Variants in CPM observed in about 807,000 individuals in gnomAD.
CPM encodes carboxypeptidase M, also known as renal carboxypeptidase.
A neutral mutation model predicts 46.4 loss-of-function variants in CPM; 35 were observed. The ratio of observed to expected loss-of-function variants is 0.75; its 90% confidence interval spans 0.58 to 1.00. The LOEUF (loss-of-function observed/expected upper bound fraction) is 1.00. Among genes scored for constraint, CPM ranks in the 50% least tolerant of loss-of-function variants. The pLI is 0.00. For synonymous variants in CPM, 195 were observed against 195.3 expected (o/e 1.00, Z 0.01); for missense variants, 422 against 530.4 (o/e 0.80, Z 2.01).
intron 1 of CPM, among the ~76,000 whole-genome samples, chr12:68,955,290 C>T (rs754751322): frequency 4.6e-5 from 7 of 152,168 alleles, no homozygotes; most frequent in South Asian, 4.1e-4. Flanking sequence ...TAAATCTTTA[C>T]GAAGCTCATT....
intron 2 of CPM, among the ~76,000 whole-genome samples, chr12:68,906,566 C>T (rs1010621314): frequency 1.2e-4 from 18 of 152,006 alleles, no homozygotes; most frequent in African/African-American, 2.9e-4. Flanking sequence ...CTTGGTTCAC[C>T]GCAGCCTCTG....
intron 2 of CPM, among the ~76,000 whole-genome samples, chr12:68,909,851 C>A (rs533536868): frequency 6.8e-6 from 1 of 146,654 alleles, no homozygotes; most frequent in African/African-American, 2.5e-5. Context: ...GGGGGGGCTA[C>A]GGGAGGGATA....
At chr12:68,901,296 G>A (rs1044228044) in intron 2 of CPM, among the ~76,000 whole-genome samples, 2 of 152,186 alleles carry the variant, frequency 1.3e-5, no homozygotes, top group African/African-American at 2.4e-5. Flanking sequence ...CCCATGCACC[G>A]GCTCCTGCGG....
intron 2 of CPM, among the ~76,000 whole-genome samples, chr12:68,895,420 C>T (rs1378579398): frequency 6.6e-6 from 1 of 152,156 alleles, no homozygotes; most frequent in Non-Finnish European, 1.5e-5. Context: ...GGAGCAGAGT[C>T]ACAACTGTTC....
chr12:68,926,701 A>G (rs1038895713), intron 2 of CPM, among the ~76,000 whole-genome samples: 3 of 152,040 alleles, frequency 2.0e-5, no homozygotes, highest in African/African-American at 7.2e-5. Context: ...TCCTAATGCT[A>G]TCCCTCCCCG....
At chr12:68,883,248 G>A (rs1253371149) in intron 3 of CPM, among the ~76,000 whole-genome samples, 1 of 152,164 alleles carries the variant, frequency 6.6e-6, no homozygotes, top group Non-Finnish European at 1.5e-5. Context: ...TGTTAGCTCT[G>A]TTGCTTCTTA....
At chr12:68,886,448 C>T (rs1242919504) in intron 2 of CPM, among the ~76,000 whole-genome samples, 3 of 151,976 alleles carry the variant, frequency 2.0e-5, no homozygotes, top group African/African-American at 7.2e-5. Context: ...CTGGCTAACA[C>T]AGTGAAATCC....
downstream of CPM, among the ~76,000 whole-genome samples, chr12:68,850,837 T>A (rs185481781): frequency 6.6e-6 from 1 of 152,258 alleles, no homozygotes; most frequent in African/African-American, 2.4e-5. Flanking sequence ...TTTCTCAGAT[T>A]CTTTATTACA....
chr12:68,953,946 T>C (rs902145441), intron 1 of CPM, among the ~76,000 whole-genome samples: 1 of 152,242 alleles, frequency 6.6e-6, no homozygotes, highest in Non-Finnish European at 1.5e-5. Context: ...TTTGTCAGCA[T>C]TACAACATAG....
chr12:68,946,704 C>T (rs1316895471), intron 1 of CPM, among the ~76,000 whole-genome samples: 1 of 152,148 alleles, frequency 6.6e-6, no homozygotes, highest in Non-Finnish European at 1.5e-5. Context: ...ACTAGTGTCT[C>T]TAATAGTGTC....
intron 2 of CPM, among the ~76,000 whole-genome samples, chr12:68,890,368 TAA>T (rs10564575): frequency 0.041 from 5,896 of 144,498 alleles, 405 homozygotes; most frequent in African/African-American, 0.14. Flanking sequence ...TTTTTTAATT[TAA>T]AAAAAAAAAA....
At chr12:68,845,227 A>G (rs1001205748) in intron 5 of CPM, 3 of 217,194 alleles carry the variant, frequency 1.4e-5, no homozygotes, top group Admixed American at 1.2e-4. Context: ...GTATTTCTTC[A>G]GCTTAAAAAA....
chr12:68,870,241 C>A lies in CPM; in HGVS notation c.590G>T (p.Ser197Ile). The A allele has an allele frequency of 5.6e-6, 9 of 1,613,940 alleles. No individual in the cohort carries two copies. The highest frequency in any genetic ancestry group is 6.8e-6 in the Non-Finnish European group (8 of 1,179,942). The change falls in exon 5 of 9, where the codon AGT becomes ATT. Residue 197 changes from serine (S) to isoleucine (I), a missense_variant. Coordinates refer to ENST00000551568, the MANE Select transcript of CPM (RefSeq NM_198320.5). ...ANLHGGALVA[S>I]YPFDNGVQAT... ...TTGAACACCATTATCAAATGGGTAA[C>A]TGGCCACGAGGGCACCACCATGGAG...
At chr12:68,890,477 TAGC>T (rs1161806387) in intron 2 of CPM, among the ~76,000 whole-genome samples, 2 of 152,180 alleles carry the variant, frequency 1.3e-5, no homozygotes, top group Non-Finnish European at 2.9e-5. Context: ...AGGTGTGTGA[TAGC>T]CACAATGCAT....
At chr12:68,868,658 C>T (rs953083971) in intron 6 of CPM, among the ~76,000 whole-genome samples, 5 of 152,106 alleles carry the variant, frequency 3.3e-5, no homozygotes, top group East Asian at 1.9e-4. Flanking sequence ...GTCCCTTACC[C>T]GGCTGTCTTA....
At position 68,869,431 on chromosome 12, in the gene CPM, A is replaced by T; in HGVS notation, c.681T>A (p.His227Gln). The change falls in exon 6 of 9, where the codon CAT becomes CAA. Residue 227 changes from histidine to glutamine, a missense_variant. Physicochemically the swap from His to Gln is conservative, Grantham distance 24. Transcript: ENST00000551568. ...TGTTGGGATTTCTTGAAGCATAGGTATGTGCAAGATATTGAAAAACATCAT... is the reference window on the plus strand; with the variant it reads ...TGTTGGGATTTCTTGAAGCATAGGTTTGTGCAAGATATTGAAAAACATCAT... ...PDDDVFQYLA[H>Q]TYASRNPNMK... The T allele has an allele frequency of 6.2e-7, 1 of 1,613,844 alleles. No individual in the cohort carries two copies. The highest frequency in any genetic ancestry group is 8.5e-7 in the Non-Finnish European group (1 of 1,179,888).
intron 2 of CPM, among the ~76,000 whole-genome samples, chr12:68,905,628 G>A (rs940405618): frequency 1.3e-5 from 2 of 151,602 alleles, no homozygotes; most frequent in Non-Finnish European, 2.9e-5. Flanking sequence ...TTACATTTTT[G>A]TGCATTAAAA....
intron 1 of CPM, among the ~76,000 whole-genome samples, chr12:68,953,982 C>T (rs528476179): frequency 6.6e-6 from 1 of 152,286 alleles, no homozygotes; most frequent in South Asian, 2.1e-4. Flanking sequence ...GAGTTATTCC[C>T]AGCCAGATTT....
In CPM at chr12:68,852,332, C is replaced by T. The variant is rs1223943582; in HGVS notation, c.*4105G>A. 1 of 152,162 alleles carries T rather than the reference C, an allele frequency of 6.6e-6. No homozygotes were observed. Among genetic ancestry groups the T allele is most frequent in the Non-Finnish European group, 1.5e-5 (1 of 68,032 alleles). The allele number at this position is 152,162 out of a possible 1,614,324, so 9.4% of individuals were successfully genotyped here. A position where few individuals can be genotyped will look rare whatever the true frequency, so the allele number is the denominator to read the frequency against. On this transcript the variant is annotated 3_prime_UTR_variant, in exon 9 of 9. Coordinates refer to ENST00000551568, the MANE Select transcript of CPM (RefSeq NM_198320.5). Reference sequence around the variant, plus strand: ...ATTTACCAACATTTGAGTAGGTATACTCTTTAAGAAGGTATATTATACTGC... The same window carrying T: ...ATTTACCAACATTTGAGTAGGTATATTCTTTAAGAAGGTATATTATACTGC...
Sources: allele counts gnomAD v4.1 joint callset (sites outside exome capture counted in the v4.1 genomes callset), GRCh38; gene constraint gnomAD v4.1.1; transcripts MANE v1.5; gene names NCBI Gene and HGNC (gene_info 2026-07-23, HGNC 2026-07-21).